DYNLT2B: variants seen among roughly 807,000 people sequenced by gnomAD.
DYNLT2B encodes the protein dynein light chain Tctex-type protein 2B.
A neutral mutation model predicts 19.5 loss-of-function variants in DYNLT2B; 14 were observed. The ratio of observed to expected loss-of-function variants is 0.72; its 90% CI spans 0.47 to 1.12. The LOEUF (loss-of-function observed/expected upper bound fraction) is 1.12, where lower values mean the gene tolerates loss of function less well. DYNLT2B is among the 50% of genes most tolerant of loss of function. The pLI is 0.00. For synonymous variants in DYNLT2B, 70 were observed against 59.7 expected, an observed-to-expected ratio of 1.17 and a Z score of -0.79; for missense variants, 133 against 174.7, an observed-to-expected ratio of 0.76 and a Z score of 1.35.
chr3:196,315,179 A>G, intron 2 of DYNLT2B: 1 of 422,946 alleles, frequency 2.4e-6, no homozygotes, highest in South Asian at 1.7e-5. Flanking sequence ...AAGACAAGAC[A>G]CTGAAGAAAA....
intron 2 of DYNLT2B, among the ~76,000 whole-genome samples, chr3:196,308,558 AC>A (rs1313463197): frequency 1.3e-5 from 2 of 152,214 alleles, no homozygotes; most frequent in Admixed American, 1.3e-4. Flanking sequence ...GAATCTTTCT[AC>A]TTTTTTGACC....
intron 1 of DYNLT2B, among the ~76,000 whole-genome samples, chr3:196,317,064 T>G (rs1328150555): frequency 2.4e-4 from 8 of 33,932 alleles, no homozygotes; most frequent in African/African-American, 8.5e-4. Flanking sequence ...GTGTGTGTGG[T>G]GTGTGTGTGT....
At chr3:196,298,082 T>C in intron 3 of DYNLT2B, 1 of 272,110 alleles carries the variant, frequency 3.7e-6, no homozygotes, top group Non-Finnish European at 7.3e-6. Context: ...GCTTGGCTGT[T>C]CTGCAATGTC....
chr3:196,312,259 T>C (rs67844518), intron 2 of DYNLT2B, among the ~76,000 whole-genome samples: 83,212 of 150,614 alleles, frequency 0.55, 23,462 homozygotes, highest in East Asian at 0.9. Flanking sequence ...CTCAGGTAAC[T>C]CACCTGTCTT....
chr3:196,295,983 A>C, intron 4 of DYNLT2B, 23 bp downstream of exon 4: 3 of 1,606,612 alleles, frequency 1.9e-6, no homozygotes, highest in Non-Finnish European at 2.6e-6. Context: ...AGAAAGGGAA[A>C]AGAGGTTTCC....
intron 4 of DYNLT2B, among the ~76,000 whole-genome samples, chr3:196,295,120 G>A (rs559560999): frequency 3.3e-5 from 5 of 152,106 alleles, no homozygotes; most frequent in African/African-American, 9.6e-5. Flanking sequence ...GGGAGTAGAC[G>A]AATAGAGGAT....
At position 196,316,333 on chromosome 3, in the gene DYNLT2B, T is replaced by A. The variant is rs978344256; in HGVS notation, c.114-102A>T. On this transcript the variant is annotated intron_variant, in intron 1 of 4. Coordinates refer to ENST00000325318, the MANE Select transcript of DYNLT2B (RefSeq NM_152773.5). ...TCTTTTTGTCATTAGTACCACTTAA[T>A]CCTTCTTTTTCATATTTTTTATTAT... 38 of 1,162,064 alleles carry A rather than the reference T, an allele frequency of 3.3e-5. No individual in the cohort carries two copies. In the African/African-American group the frequency reaches 5.4e-4, roughly 16 times the overall value. The allele number at this position is 1,162,064 out of a possible 1,614,324, so 72.0% of individuals were successfully genotyped here. A position where few individuals can be genotyped will look rare whatever the true frequency, so the allele number is the denominator to read the frequency against.
Position 196,318,022 on chromosome 3 carries a change from A to G in DYNLT2B, c.113+18T>C, listed in dbSNP as rs904129300. 2 of 1,459,822 alleles carry G rather than the reference A, an allele frequency of 1.4e-6. No individual in the cohort carries two copies. Among genetic ancestry groups the G allele is most frequent in the Non-Finnish European group, 1.8e-6 (2 of 1,096,738 alleles). 90.4% of individuals were successfully genotyped at this position (1,459,822 alleles called of 1,614,324 possible). ...AGCGCGCTCGAGGTCGCCCCGCCAC[A>G]GCCCGTCCTCTACCCGCCTCTGCTG... On this transcript the variant is annotated intron_variant, in intron 1 of 4. Coordinates refer to ENST00000325318, the MANE Select transcript of DYNLT2B (RefSeq NM_152773.5).
chr3:196,315,309 C>T (rs1726753258), intron 2 of DYNLT2B: 1 of 395,718 alleles, frequency 2.5e-6, no homozygotes, highest in Non-Finnish European at 4.8e-6. Context: ...GTCACCCAGG[C>T]TGGAGTGCAG....
intron 1 of DYNLT2B, among the ~76,000 whole-genome samples, chr3:196,317,182 T>TGTGTGTG (rs1553842955): frequency 4.1e-5 from 2 of 48,396 alleles, no homozygotes; most frequent in African/African-American, 1.7e-4. Flanking sequence ...TGTGTGTGTG[T>TGTGTGTG]TGTGTGTGTG....
chr3:196,303,046 T>C (rs906539759), intron 3 of DYNLT2B, among the ~76,000 whole-genome samples: 37 of 152,170 alleles, frequency 2.4e-4, no homozygotes, highest in African/African-American at 8.9e-4. Flanking sequence ...GCTCCTAAGA[T>C]CAGCGCTTGA....
chr3:196,309,391 G>A (rs1034251711), intron 2 of DYNLT2B, among the ~76,000 whole-genome samples: 6 of 151,998 alleles, frequency 3.9e-5, no homozygotes, highest in Admixed American at 6.6e-5. Context: ...TCAGACTCCC[G>A]AGTAGCTGGG....
intron 3 of DYNLT2B, among the ~76,000 whole-genome samples, chr3:196,298,904 A>T (rs1371315337): frequency 6.6e-6 from 1 of 151,758 alleles, no homozygotes; most frequent in Non-Finnish European, 1.5e-5. Flanking sequence ...ACTTTTTAAA[A>T]TTTTTTTATT....
chr3:196,313,965 GCACT>G (rs1726706387), intron 2 of DYNLT2B, among the ~76,000 whole-genome samples: 1 of 152,038 alleles, frequency 6.6e-6, no homozygotes, highest in Non-Finnish European at 1.5e-5. Context: ...GGGCATGGTG[GCACT>G]TGCCTGTAAT....
At position 196,291,276 on chromosome 3, in the gene DYNLT2B, A is replaced by C; in HGVS notation, c.*51T>G. The stretch of plus-strand genomic sequence containing the variant: ...GTCAAGATATTTAACAATATTAAAA[A>C]GTTCAGATTTCTTCATGGTCATGTC... On this transcript the variant is annotated 3_prime_UTR_variant, in exon 5 of 5. Transcript: ENST00000325318. 1 of 1,528,566 alleles carries C rather than the reference A, an allele frequency of 6.5e-7. No homozygotes were observed. Among genetic ancestry groups the C allele is most frequent in the Non-Finnish European group, 8.9e-7 (1 of 1,123,578 alleles). 94.7% of individuals were successfully genotyped at this position (1,528,566 alleles called of 1,614,324 possible).
chr3:196,308,161 T>C (rs1426586739), intron 2 of DYNLT2B, among the ~76,000 whole-genome samples: 1 of 151,516 alleles, frequency 6.6e-6, no homozygotes, highest in East Asian at 1.9e-4. Flanking sequence ...GCATGTATGA[T>C]GTACATCAGG....
At chr3:196,307,414 T>C (rs1348612142) in intron 2 of DYNLT2B, among the ~76,000 whole-genome samples, 2 of 152,102 alleles carry the variant, frequency 1.3e-5, no homozygotes, top group Non-Finnish European at 2.9e-5. Context: ...GTGATTCTCC[T>C]ACCTCAGCCT....
chr3:196,314,705 C>A (rs1726730200), intron 2 of DYNLT2B, among the ~76,000 whole-genome samples: 1 of 151,586 alleles, frequency 6.6e-6, no homozygotes, highest in South Asian at 2.1e-4. Context: ...GCCTGTAGAC[C>A]CAGCTACTTG....
chr3:196,302,167 A>G (rs145682602), intron 3 of DYNLT2B, among the ~76,000 whole-genome samples: 254 of 152,324 alleles, frequency 1.7e-3, no homozygotes, highest in African/African-American at 5.9e-3. Context: ...AGAAAAAAGC[A>G]TAAGAGACAT....
Sources: gnomAD v4.1 joint callset for allele counts (sites outside exome capture counted in the v4.1 genomes callset) on GRCh38, gnomAD v4.1.1 for gene constraint, MANE v1.5 for transcripts, NCBI Gene and HGNC (gene_info 2026-07-23, HGNC 2026-07-21) for gene names.